AP3S2: variants seen among roughly 807,000 people sequenced by gnomAD.
AP3S2 encodes the protein adaptor related protein complex 3 subunit sigma 2.
In AP3S2, 22 loss-of-function variants were observed where a neutral mutation model predicts 23.4. That is an observed-to-expected ratio of 0.94 (90% CI 0.67 to 1.34). The LOEUF is 1.34. Among genes scored for constraint, AP3S2 ranks in the 40% most tolerant of loss-of-function variants. AP3S2 has a pLI of 0.00. For synonymous variants in AP3S2, 86 were observed against 87.1 expected (o/e 0.99, Z 0.07); for missense variants, 241 against 236.9 (o/e 1.02, Z -0.11).
intron 4 of AP3S2, among the ~76,000 whole-genome samples, chr15:89,838,301 G>C (rs983417314): frequency 1.3e-5 from 2 of 152,226 alleles, no homozygotes; most frequent in African/African-American, 4.8e-5. Flanking sequence ...CGTGATCAGA[G>C]CAAGATAGAG....
intron 3 of AP3S2, among the ~76,000 whole-genome samples, chr15:89,875,829 A>T (rs1393883532): frequency 6.6e-6 from 1 of 151,590 alleles, no homozygotes; most frequent in South Asian, 2.1e-4. Context: ...TGTGCCTGTG[A>T]TTCCAGCTAC....
In AP3S2 at chr15:89,848,076, T is replaced by C. The variant is rs182149897; in HGVS notation, c.346-10354A>G. Among the ~76,000 whole-genome samples, 41 of 152,336 alleles carry C rather than the reference T, an allele frequency of 2.7e-4. No homozygotes were observed. In the East Asian group the frequency reaches 7.1e-3, roughly 26 times the overall value. On this transcript the variant is annotated intron_variant, in intron 4 of 5. Transcript: ENST00000336418. ...CACATCCCAAGCTTAATCGAATCCA[T>C]AGAAACCTCTAATCTAGATCAATCC...
At chr15:89,859,702 CT>C (rs949197989) in intron 4 of AP3S2, among the ~76,000 whole-genome samples, 6 of 147,924 alleles carry the variant, frequency 4.1e-5, no homozygotes, top group African/African-American at 1.5e-4. Flanking sequence ...GCCCTTCTTT[CT>C]TTTTTTTTCT....
chr15:89,838,356 G>C (rs1408867720), intron 4 of AP3S2, among the ~76,000 whole-genome samples: 1 of 152,182 alleles, frequency 6.6e-6, no homozygotes, highest in Non-Finnish European at 1.5e-5. Flanking sequence ...TTACTGCTTA[G>C]ATTAGAAAGC....
intron 4 of AP3S2, 190 bp from the exon 5 acceptor site, chr15:89,837,912 C>A: frequency 7.2e-6 from 4 of 555,802 alleles, no homozygotes; most frequent in Non-Finnish European, 9.4e-6. Flanking sequence ...CATGGCAACA[C>A]GAATCTCTCC....
In AP3S2 at chr15:89,837,608, T is replaced by TG. The variant is rs771748143; in HGVS notation, c.453+6_453+7insC. On this transcript the variant is annotated splice_region_variant and intron_variant, in intron 5 of 5. Coordinates refer to ENST00000336418, the MANE Select transcript of AP3S2 (RefSeq NM_005829.5). ...CAGCCAGGGCTAGAGCACAGCTGCT[T>TG]ACTCACCTCGGATTTCTCCAGCCTG... is the stretch of plus-strand genomic sequence containing the variant. The TG allele has an allele frequency of 6.2e-7, 1 of 1,614,116 alleles. No homozygotes were observed. Among genetic ancestry groups the TG allele is most frequent in the South Asian group, 1.1e-5 (1 of 91,088 alleles).
At chr15:89,891,706 T>G (rs1015650543) in intron 1 of AP3S2, among the ~76,000 whole-genome samples, 6 of 151,288 alleles carry the variant, frequency 4.0e-5, no homozygotes, top group Admixed American at 2.0e-4. Context: ...CACTAAAATG[T>G]CTTTAACCAA....
intron 3 of AP3S2, among the ~76,000 whole-genome samples, chr15:89,872,519 A>G (rs948390062): frequency 1.3e-5 from 2 of 152,212 alleles, no homozygotes; most frequent in African/African-American, 4.8e-5. Flanking sequence ...CTAGGTATCT[A>G]TCTATAACTG....
rs1225005053 is a variant in AP3S2, at chr15:89,835,205, G to A, written c.*310C>T. On this transcript the variant is annotated 3_prime_UTR_variant, in exon 6 of 6. Transcript: ENST00000336418. The stretch of plus-strand genomic sequence containing the variant: ...GTCCCTAACCCTTGGGAGCATCCAT[G>A]TGAGAGGTAAAGGTGCAAATGACTT... The A allele has an allele frequency of 2.1e-6, 1 of 465,934 alleles. No homozygotes were observed. Among genetic ancestry groups the A allele is most frequent in the Non-Finnish European group, 3.8e-6 (1 of 264,976 alleles). The allele number at this position is 465,934 out of a possible 1,614,324, so 28.9% of individuals were successfully genotyped here. A position where few individuals can be genotyped will look rare whatever the true frequency, so the allele number is the denominator to read the frequency against.
chr15:89,839,902 G>A (rs1372133117), intron 4 of AP3S2, among the ~76,000 whole-genome samples: 2 of 151,508 alleles, frequency 1.3e-5, no homozygotes, highest in Non-Finnish European at 2.9e-5. Context: ...GGAATTCTGA[G>A]ACACAATGTA....
At chr15:89,856,872 T>TAAA (rs146502390) in intron 4 of AP3S2, among the ~76,000 whole-genome samples, 2 of 120,600 alleles carry the variant, frequency 1.7e-5, no homozygotes, top group East Asian at 2.2e-4. Flanking sequence ...GACTCTGTCT[T>TAAA]AAAAAAAAAA....
At chr15:89,887,395 G>C (rs1039666024) in intron 3 of AP3S2, among the ~76,000 whole-genome samples, 1 of 150,784 alleles carries the variant, frequency 6.6e-6, no homozygotes. Context: ...TTTTTGAGAC[G>C]GAGTCTCGCC....
At chr15:89,860,829 T>C (rs1466844821) in intron 4 of AP3S2, among the ~76,000 whole-genome samples, 1 of 152,218 alleles carries the variant, frequency 6.6e-6, no homozygotes, top group African/African-American at 2.4e-5. Flanking sequence ...TCTTCTTCTC[T>C]TAGGCACATC....
rs145352745 is a variant in AP3S2 at position 89,892,475 on chromosome 15, C to T, written c.69+1406G>A. On this transcript the variant is annotated intron_variant, in intron 1 of 5. Transcript: ENST00000336418. The stretch of plus-strand genomic sequence containing the variant: ...TTGCTTGAGCCCAGGAGTTCAAGAC[C>T]AGCCTGGGCAACATAGAAAGACCCC... Among the ~76,000 whole-genome samples the T allele has an allele frequency of 1.3e-3, 196 of 152,126 alleles. 1 individual carries two copies. The highest frequency in any genetic ancestry group is 4.5e-3 in the African/African-American group (186 of 41,496).
Position 89,832,913 on chromosome 15 carries a change from A to G in AP3S2, c.*2602T>C, listed in dbSNP as rs1302304430. Reference sequence around the variant, plus strand: ...TATTGTGGCTTGTCCAAAGGGATTGAGTTTTCCAAATAAAAAAGTGGGCTT... The same window carrying G: ...TATTGTGGCTTGTCCAAAGGGATTGGGTTTTCCAAATAAAAAAGTGGGCTT... On this transcript the variant is annotated 3_prime_UTR_variant, in exon 6 of 6. Coordinates refer to ENST00000336418, the MANE Select transcript of AP3S2 (RefSeq NM_005829.5). 1 of 152,186 alleles carries G rather than the reference A, an allele frequency of 6.6e-6. No homozygotes were observed. The highest frequency in any genetic ancestry group is 1.5e-5 in the Non-Finnish European group (1 of 68,030). The allele number at this position is 152,186 out of a possible 1,614,324, so 9.4% of individuals were successfully genotyped here.
At position 89,833,505 on chromosome 15, in the gene AP3S2, G is replaced by A. The variant is rs958096677; in HGVS notation, c.*2010C>T. On this transcript the variant is annotated 3_prime_UTR_variant, in exon 6 of 6. Transcript: ENST00000336418. ...TCATCTGCAAAATGGGGATAAGAAT[G>A]CCTGTTGTAAGGACAGTTGAATGAT... 6.6e-6 allele frequency: 1 copy of A among 152,202 alleles called. No homozygotes were observed. The highest frequency in any genetic ancestry group is 1.5e-5 in the Non-Finnish European group (1 of 68,034). The allele number at this position is 152,202 out of a possible 1,614,324, so 9.4% of individuals were successfully genotyped here. A position where few individuals can be genotyped will look rare whatever the true frequency, so the allele number is the denominator to read the frequency against.
chr15:89,859,115 C>T (rs1295587851), intron 4 of AP3S2, among the ~76,000 whole-genome samples: 5 of 151,896 alleles, frequency 3.3e-5, no homozygotes, highest in South Asian at 4.1e-4. Flanking sequence ...GCCTCAGCCT[C>T]CCAAAGTGCT....
At chr15:89,849,534 T>C (rs967362535) in intron 4 of AP3S2, among the ~76,000 whole-genome samples, 1 of 151,944 alleles carries the variant, frequency 6.6e-6, no homozygotes, top group Non-Finnish European at 1.5e-5. Context: ...GCCCGGCTAA[T>C]TTTTTGTATT....
rs563961378 is a variant in AP3S2 at position 89,882,386 on chromosome 15, G to A, written c.273+6135C>T. Among the ~76,000 whole-genome samples the A allele has an allele frequency of 6.0e-3, 883 of 147,134 alleles. 2 individuals carry two copies. The highest frequency in any genetic ancestry group is 0.011 in the Non-Finnish European group (724 of 67,106). On this transcript the variant is annotated intron_variant, in intron 3 of 5. Transcript: ENST00000336418. The stretch of plus-strand genomic sequence containing the variant: ...CTACTCTTTTTTTTTTTTTTGAGAC[G>A]GAGTTTCGCTCTTGTTGCCCGGGCC...
Sources: allele counts gnomAD v4.1 joint callset (sites outside exome capture counted in the v4.1 genomes callset), GRCh38; gene constraint gnomAD v4.1.1; transcripts MANE v1.5; gene names NCBI Gene and HGNC (gene_info 2026-07-23, HGNC 2026-07-21).